The following SSUH2 variants were observed in gnomAD, a reference collection of about 807,000 sequenced individuals.
The protein encoded by SSUH2 is ssu-2 homolog, also known as protein SSUH2 homolog.
A neutral mutation model predicts 55.3 loss-of-function variants in SSUH2; 47 were observed. That is an observed-to-expected ratio of 0.85 (90% CI 0.67 to 1.08). SSUH2 has a LOEUF of 1.08. SSUH2 is among the 50% of genes least tolerant of loss of function. The probability of loss-of-function intolerance (pLI) is 0.00; values close to 1 mark genes in which losing one functional copy is unlikely to be tolerated. For missense variants in SSUH2, 535 were observed against 490.7 expected (o/e 1.09, Z -0.85); for synonymous variants, 212 against 191.5 (o/e 1.11, Z -0.89).
chr3:8,679,147 G>A, intron 2 of SSUH2, among the ~76,000 whole-genome samples: 1 of 92,298 alleles, frequency 1.1e-5, no homozygotes, highest in African/African-American at 3.6e-5. Context: ...GCACCCCCGC[G>A]AGGCGGGGAC....
intron 6 of SSUH2, among the ~76,000 whole-genome samples, chr3:8,661,208 G>A (rs906707444): frequency 3.9e-5 from 6 of 152,164 alleles, no homozygotes; most frequent in African/African-American, 1.4e-4. Context: ...GCCTTCACAT[G>A]CACCTCTGTG....
upstream of SSUH2, among the ~76,000 whole-genome samples, chr3:8,648,183 A>G (rs1701950914): frequency 6.6e-6 from 1 of 152,204 alleles, no homozygotes; most frequent in African/African-American, 2.4e-5. Context: ...TTCTCCTTAT[A>G]GACGAGACAA....
At chr3:8,644,129 G>A (rs932114116) in intron 1 of SSUH2, among the ~76,000 whole-genome samples, 2 of 152,132 alleles carry the variant, frequency 1.3e-5, no homozygotes, top group African/African-American at 4.8e-5. Flanking sequence ...AGAATCCATT[G>A]TATTTCTGTC....
exon 2 of SSUH2, chr3:8,679,769 A>C (rs1705832282): frequency 6.3e-6 from 1 of 159,000 alleles, no homozygotes; most frequent in Non-Finnish European, 1.3e-5. Context: ...CAAGTACCTT[A>C]CTTGGGATTT....
intron 6 of SSUH2, among the ~76,000 whole-genome samples, chr3:8,630,145 A>G (rs1031973735): frequency 1.3e-5 from 2 of 152,236 alleles, no homozygotes; most frequent in Non-Finnish European, 2.9e-5. Context: ...TCACTAATTT[A>G]AAATAGCCTT....
intron 3 of SSUH2, 34 bp from the exon 4 acceptor site, chr3:8,633,829 T>G (rs1351903698): frequency 1.2e-6 from 2 of 1,612,936 alleles, no homozygotes; most frequent in Admixed American, 3.3e-5. Context: ...CGGGGGCTTC[T>G]GGGAAGGGCC....
chr3:8,670,196 G>A (rs1395513015), intron 5 of SSUH2, among the ~76,000 whole-genome samples: 3 of 152,160 alleles, frequency 2.0e-5, no homozygotes, highest in South Asian at 2.1e-4. Flanking sequence ...AGAGAGCAGC[G>A]GTATACTGGG....
chr3:8,667,064 A>T (rs1704057595), intron 5 of SSUH2, among the ~76,000 whole-genome samples: 1 of 152,252 alleles, frequency 6.6e-6, no homozygotes, highest in African/African-American at 2.4e-5. Flanking sequence ...CAAGAGCAAG[A>T]TGACACAGTA....
At chr3:8,633,408 C>T (rs751470345) in intron 4 of SSUH2, among the ~76,000 whole-genome samples, 24 of 151,892 alleles carry the variant, frequency 1.6e-4, no homozygotes, top group Non-Finnish European at 2.9e-4. Flanking sequence ...GATCCACCCA[C>T]CTCGGCCTCC....
chr3:8,673,370 T>C (rs1181237488), intron 3 of SSUH2, among the ~76,000 whole-genome samples: 2 of 152,110 alleles, frequency 1.3e-5, no homozygotes, highest in African/African-American at 4.8e-5. Context: ...CTCCCTCGGC[T>C]GCTCGTTTAC....
intron 10 of SSUH2, among the ~76,000 whole-genome samples, chr3:8,624,825 C>T (rs1283751134): frequency 6.6e-6 from 1 of 152,096 alleles, no homozygotes; most frequent in East Asian, 1.9e-4. Flanking sequence ...GCTGAAGGTA[C>T]CTCTCACTTC....
Position 8,630,809 on chromosome 3 carries a change from A to T in SSUH2, c.521T>A (p.Val174Asp), listed in dbSNP as rs1169763164. The T allele has an allele frequency of 6.8e-7, 1 of 1,461,754 alleles. No homozygotes were observed. The highest frequency in any genetic ancestry group is 1.5e-5 in the South Asian group (1 of 64,898). The allele number at this position is 1,461,754 out of a possible 1,614,324, so 90.5% of individuals were successfully genotyped here. The change falls in exon 6 of 12, where the codon GTC becomes GAC. Residue 174 changes from valine to aspartate, a missense_variant. Transcript: ENST00000544814. ...RKFQVPHSSLVKECHKCHGRG... is the reference protein window; with the variant it reads ...RKFQVPHSSLDKECHKCHGRG... The stretch of plus-strand genomic sequence containing the variant: ...TAATCGCGTTAATCGTATTACCTTG[A>T]CCAGTGACGAGTGAGGGACCTGGAA...
chr3:8,660,140 T>C (rs1056064775), intron 6 of SSUH2, among the ~76,000 whole-genome samples: 2 of 152,192 alleles, frequency 1.3e-5, no homozygotes, highest in African/African-American at 4.8e-5. Flanking sequence ...ACAGGCAGGG[T>C]TGGGGACCAC....
chr3:8,675,073 T>C (rs1193718120), intron 3 of SSUH2, among the ~76,000 whole-genome samples: 1 of 152,168 alleles, frequency 6.6e-6, no homozygotes, highest in Non-Finnish European at 1.5e-5. Flanking sequence ...GACCAAGGAC[T>C]ACCGGCCAGT....
intron 5 of SSUH2, among the ~76,000 whole-genome samples, chr3:8,669,692 C>G (rs543474896): frequency 2.5e-4 from 38 of 152,320 alleles, no homozygotes; most frequent in African/African-American, 8.7e-4. Flanking sequence ...CAGAGAAGAG[C>G]ACATCACCAC....
intron 2 of SSUH2, among the ~76,000 whole-genome samples, 163 bp from the exon 3 acceptor site, chr3:8,635,544 G>T (rs1308672812): frequency 6.6e-6 from 1 of 152,250 alleles, no homozygotes; most frequent in Non-Finnish European, 1.5e-5. Flanking sequence ...GCACCATCTA[G>T]GTCTTAGTGG....
chr3:8,633,332 T>C (rs1315609968), intron 4 of SSUH2, among the ~76,000 whole-genome samples: 2 of 152,112 alleles, frequency 1.3e-5, no homozygotes, highest in African/African-American at 2.4e-5. Flanking sequence ...TTAGTACAGA[T>C]GGGGTTTCAC....
chr3:8,676,624 T>C (rs1705308900), intron 3 of SSUH2, among the ~76,000 whole-genome samples: 1 of 151,052 alleles, frequency 6.6e-6, no homozygotes, highest in Admixed American at 6.6e-5. Context: ...TCGTGCTCTA[T>C]TATGGGGAGT....
At chr3:8,635,166 G>A (rs932921125) in intron 3 of SSUH2, 134 bp downstream of exon 3, 9 of 668,388 alleles carry the variant, frequency 1.3e-5, no homozygotes, top group South Asian at 8.5e-5. Flanking sequence ...CATCCCTGGA[G>A]GATCTGGTGC....
Sources: gnomAD v4.1 joint callset for allele counts (sites outside exome capture counted in the v4.1 genomes callset) on GRCh38, gnomAD v4.1.1 for gene constraint, MANE v1.5 for transcripts, NCBI Gene and HGNC (gene_info 2026-07-23, HGNC 2026-07-21) for gene names.